Variants in SLC4A5 observed in about 807,000 individuals in gnomAD.
SLC4A5 encodes the protein solute carrier family 4 member 5, also known as electrogenic sodium bicarbonate cotransporter 4.
In SLC4A5, 96 loss-of-function variants were observed where a neutral mutation model predicts 120.4. The observed-to-expected ratio is 0.80, with a 90% CI of 0.68 to 0.94. SLC4A5 has a LOEUF of 0.94. Ranked by LOEUF, SLC4A5 falls within the 40% of genes least tolerant of loss-of-function variation. SLC4A5 has a pLI of 0.00. For synonymous variants in SLC4A5, 550 were observed against 571.1 expected (o/e 0.96, Z 0.53); for missense variants, 1,259 against 1,459.5 (o/e 0.86, Z 2.24).
chr2:74,322,018 T>C (rs1019740872), intron 5 of SLC4A5, among the ~76,000 whole-genome samples: 2 of 152,118 alleles, frequency 1.3e-5, no homozygotes, highest in Non-Finnish European at 2.9e-5. Context: ...TCCTGCTTTC[T>C]TGCACGGACC....
intron 5 of SLC4A5, among the ~76,000 whole-genome samples, chr2:74,318,087 C>T (rs1274919956): frequency 6.6e-6 from 1 of 151,990 alleles, no homozygotes; most frequent in Non-Finnish European, 1.5e-5. Context: ...AAAGCTTCTA[C>T]ACAGCAAAAT....
chr2:74,290,977 A>C (rs1444332382), intron 7 of SLC4A5, among the ~76,000 whole-genome samples: 1 of 152,018 alleles, frequency 6.6e-6, no homozygotes, highest in Non-Finnish European at 1.5e-5. Flanking sequence ...CTGGCTGGAG[A>C]GGAACCTAGC....
rs76718803 is a variant in SLC4A5, at chr2:74,282,735, C to T, written c.401+3038G>A. Among the ~76,000 whole-genome samples the T allele has an allele frequency of 6.5e-3, 993 of 152,296 alleles. 7 individuals are homozygous for T. The highest frequency in any genetic ancestry group is 0.02 in the South Asian group (95 of 4,830). On this transcript the variant is annotated intron_variant, in intron 8 of 30. Coordinates refer to ENST00000394019, the Ensembl canonical transcript of SLC4A5. ...TAAGGCCTTCTTGGCAAGGGCTCCACGGGTGTGTGTGATAGGCCCTCGTGG... is the reference window on the plus strand; with the variant it reads ...TAAGGCCTTCTTGGCAAGGGCTCCATGGGTGTGTGTGATAGGCCCTCGTGG...
chr2:74,263,999 C>T, intron 10 of SLC4A5, 148 bp downstream of exon 10: 1 of 1,067,440 alleles, frequency 9.4e-7, no homozygotes, highest in East Asian at 2.6e-5. Context: ...GGGGTCCCCA[C>T]AGGCCTGCCA....
In SLC4A5 at chr2:74,247,327, T is replaced by C. The variant is rs1670644550; in HGVS notation, c.1788-20A>G. ...TTGCCTCTGGAAGGCAGAGGGGAGG[T>C]GAGGGGCCTCCAGCCCAGGGCTCCT... On this transcript the variant is annotated intron_variant, in intron 18 of 30. Coordinates refer to ENST00000394019, the Ensembl canonical transcript of SLC4A5. The C allele has an allele frequency of 1.2e-6, 2 of 1,604,300 alleles. No homozygotes were observed. The highest frequency in any genetic ancestry group is 8.5e-7 in the Non-Finnish European group (1 of 1,174,694).
chr2:74,235,244 A>G, intron 21 of SLC4A5, 30 bp from the exon 22 acceptor site: 1 of 1,576,358 alleles, frequency 6.3e-7, no homozygotes, highest in South Asian at 1.1e-5. Flanking sequence ...AAGTAAAAGA[A>G]GTGAGTAAAG....
In SLC4A5 at chr2:74,262,335, A is replaced by G. The variant is rs564524348; in HGVS notation, c.716-103T>C. ...ACTAAATAAAACTGGGTGGCAAGAC[A>G]TGTCTCTTCCCCTTCTGGGAAGAAA... is the stretch of plus-strand genomic sequence containing the variant. On this transcript the variant is annotated intron_variant, in intron 10 of 30. Transcript: ENST00000394019. 17 of 697,682 alleles carry G rather than the reference A, an allele frequency of 2.4e-5. No individual in the cohort carries two copies. The African/African-American group carries it at 3.1e-4, about 13-fold the overall frequency. 43.2% of individuals were successfully genotyped at this position (697,682 alleles called of 1,614,324 possible). A position where few individuals can be genotyped will look rare whatever the true frequency, so the allele number is the denominator to read the frequency against.
intron 7 of SLC4A5, among the ~76,000 whole-genome samples, chr2:74,302,269 C>T (rs1672493584): frequency 6.6e-6 from 1 of 152,162 alleles, no homozygotes; most frequent in African/African-American, 2.4e-5. Flanking sequence ...AACACACACA[C>T]ATAGTATAGG....
chr2:74,233,564 C>T lies in SLC4A5; in HGVS notation c.2434-1G>A. 2 of 1,610,050 alleles carry T rather than the reference C, an allele frequency of 1.2e-6. No homozygotes were observed. Among genetic ancestry groups the T allele is most frequent in the Non-Finnish European group, 1.7e-6 (2 of 1,177,802 alleles). ...ACCAGCCTCGGTCAGGCCGCGTTGGCTGAGTGGGAGCAAACAGAGAGGGGC... is the reference window on the plus strand; with the variant it reads ...ACCAGCCTCGGTCAGGCCGCGTTGGTTGAGTGGGAGCAAACAGAGAGGGGC... On this transcript the variant is annotated splice_acceptor_variant, in intron 22 of 30. Coordinates refer to ENST00000394019, the Ensembl canonical transcript of SLC4A5. LOFTEE classifies it high-confidence loss of function.
In SLC4A5 at chr2:74,255,576, A is replaced by G. The variant is rs1670938433; in HGVS notation, c.1025+199T>C. 6.6e-6 allele frequency among the ~76,000 whole-genome samples: 1 copy of G among 152,174 alleles called. No individual in the cohort carries two copies. Among genetic ancestry groups the G allele is most frequent in the Non-Finnish European group, 1.5e-5 (1 of 68,032 alleles). On this transcript the variant is annotated intron_variant, in intron 13 of 30. Coordinates refer to ENST00000394019, the Ensembl canonical transcript of SLC4A5. This position sits in a 1 kb window ranked among gnomAD's most constrained non-coding sequence, Gnocchi z 4.0. ...CCAAAGTGCTGGGATTACAGGCGTG[A>G]GCCACCGCACCTGGCCTCTTTTGTT...
chr2:74,250,048 A>C (rs1670742015), intron 17 of SLC4A5, among the ~76,000 whole-genome samples: 1 of 152,094 alleles, frequency 6.6e-6, no homozygotes, highest in Non-Finnish European at 1.5e-5. Flanking sequence ...GATTAAATTC[A>C]CTCCAGCATC....
At chr2:74,322,538 G>A (rs1673121896) in intron 5 of SLC4A5, among the ~76,000 whole-genome samples, 1 of 152,010 alleles carries the variant, frequency 6.6e-6, no homozygotes, top group Admixed American at 6.6e-5. Flanking sequence ...GATGATCTTT[G>A]GTATTTTGGA....
At chr2:74,251,439 C>T (rs1435018144) in intron 16 of SLC4A5, among the ~76,000 whole-genome samples, 2 of 151,686 alleles carry the variant, frequency 1.3e-5, no homozygotes, top group East Asian at 3.9e-4. Flanking sequence ...AAAAGAAACC[C>T]AGGCCAGGAG....
chr2:74,290,622 TGAGAGAGAGA>T (rs151284937), intron 7 of SLC4A5: 33 of 885,720 alleles, frequency 3.7e-5, no homozygotes, highest in Non-Finnish European at 3.7e-5. Context: ...GACAGAGAAG[TGAGAGAGAGA>T]GAGAGAGAGA....
At chr2:74,325,133 T>C (rs1363642223) in intron 5 of SLC4A5, among the ~76,000 whole-genome samples, 2 of 152,102 alleles carry the variant, frequency 1.3e-5, no homozygotes, top group Non-Finnish European at 2.9e-5. Flanking sequence ...CTAATGAAAA[T>C]GAAATAGAGC....
rs542786638 is a variant in SLC4A5, at chr2:74,231,435, A to G, written c.2775-127T>C. 6.4e-5 allele frequency: 51 copies of G among 797,548 alleles called. No homozygotes were observed. The African/African-American group carries it at 8.4e-4, about 13-fold the overall frequency. 49.4% of individuals were successfully genotyped at this position (797,548 alleles called of 1,614,324 possible). Reference sequence around the variant, plus strand: ...CATGGCCTTGAGGGCTTCTGCATGAAGCTCTGCCTGGTTGCCTGAGGCCCA... The same window carrying G: ...CATGGCCTTGAGGGCTTCTGCATGAGGCTCTGCCTGGTTGCCTGAGGCCCA... On this transcript the variant is annotated intron_variant, in intron 24 of 30. Transcript: ENST00000394019.
At chr2:74,315,251 C>T (rs1282497341) in intron 5 of SLC4A5, among the ~76,000 whole-genome samples, 1 of 151,606 alleles carries the variant, frequency 6.6e-6, no homozygotes, top group African/African-American at 2.4e-5. Flanking sequence ...ACCAGCCTGG[C>T]CAATACAGTG....
chr2:74,219,201 GTGTGTGTGTGTGTGTGTGTT>G (rs1281193924), intron 30 of SLC4A5, among the ~76,000 whole-genome samples: 3,262 of 129,300 alleles, frequency 0.025, 140 homozygotes, highest in African/African-American at 0.096. Flanking sequence ...GTGTGTGTGT[GTGTGTGTGTGTGTGTGTGTT>G]TGTGTGTGTT....
At chr2:74,239,954 A>G (rs1274482532) in intron 20 of SLC4A5, among the ~76,000 whole-genome samples, 5 of 150,396 alleles carry the variant, frequency 3.3e-5, no homozygotes, top group African/African-American at 1.2e-4. Flanking sequence ...GCCATTCCCC[A>G]CCTTGGTGTC....
Sources: allele counts gnomAD v4.1 joint callset (sites outside exome capture counted in the v4.1 genomes callset), GRCh38; gene constraint gnomAD v4.1.1; non-coding constraint Gnocchi (gnomAD v3.1); transcripts MANE v1.5; gene names NCBI Gene and HGNC (gene_info 2026-07-23, HGNC 2026-07-21).